The following ABLIM2 variants were observed in gnomAD, a reference collection of about 807,000 sequenced individuals.
ABLIM2 encodes the protein actin binding LIM protein family member 2, also known as actin-binding LIM protein 2.
ABLIM2 carries 53 observed loss-of-function variants against 97.7 expected under a neutral mutation model. The ratio of observed to expected loss-of-function variants is 0.54; its 90% CI spans 0.44 to 0.68. ABLIM2 has a LOEUF of 0.68. Among genes scored for constraint, ABLIM2 ranks in the 30% least tolerant of loss-of-function variants. The pLI is 0.00. For missense variants in ABLIM2, 835 were observed against 867.2 expected (o/e 0.96, Z 0.47); for synonymous variants, 361 against 345.8 (o/e 1.04, Z -0.49).
rs1744687434 is a variant in ABLIM2, at chr4:7,986,917, C to T, written c.1681-2024G>A. On this transcript the variant is annotated intron_variant, in intron 17 of 20. Coordinates refer to ENST00000447017, the MANE Select transcript of ABLIM2 (RefSeq NM_001130083.2). This position sits in a 1 kb window ranked among gnomAD's most constrained non-coding sequence, Gnocchi z 4.3. ...AACTCCTGACCTCAGGTGATCCACC[C>T]GCGTTGGCCTCCCAAAGTGCTGGGA... is the stretch of plus-strand genomic sequence containing the variant. Among the ~76,000 whole-genome samples, 1 of 152,164 alleles carries T rather than the reference C, an allele frequency of 6.6e-6. No homozygotes were observed. The highest frequency in any genetic ancestry group is 1.9e-4 in the East Asian group (1 of 5,184).
intron 1 of ABLIM2, among the ~76,000 whole-genome samples, 195 bp from the exon 2 acceptor site, chr4:8,106,832 G>T (rs1186638957): frequency 6.6e-6 from 1 of 152,234 alleles, no homozygotes; most frequent in African/African-American, 2.4e-5. Context: ...ATTATGCAGG[G>T]GTTAGGGGCC....
At chr4:8,009,691 T>C (rs1244129779) in intron 14 of ABLIM2, among the ~76,000 whole-genome samples, 1 of 152,112 alleles carries the variant, frequency 6.6e-6, no homozygotes, top group Non-Finnish European at 1.5e-5. Context: ...CCACCGCACC[T>C]GGCCCACTTG....
intron 7 of ABLIM2, among the ~76,000 whole-genome samples, chr4:8,060,028 TG>T (rs1173332020): frequency 1.3e-5 from 2 of 152,100 alleles, no homozygotes; most frequent in East Asian, 3.8e-4. Context: ...AAGGTGCACA[TG>T]TTAATAAGCT....
intron 4 of ABLIM2, among the ~76,000 whole-genome samples, chr4:8,086,989 A>G (rs1302795973): frequency 6.6e-6 from 1 of 152,160 alleles, no homozygotes; most frequent in Non-Finnish European, 1.5e-5. Context: ...GAGTCAAATT[A>G]TAACCAGCTC....
chr4:8,011,076 G>T (rs10023553), intron 14 of ABLIM2, among the ~76,000 whole-genome samples: 21,515 of 152,084 alleles, frequency 0.14, 1,620 homozygotes, highest in African/African-American at 0.19. Flanking sequence ...CAATTAAGTC[G>T]TCGCTCCAGC....
intron 17 of ABLIM2, among the ~76,000 whole-genome samples, chr4:7,991,990 G>T (rs987504397): frequency 6.6e-6 from 1 of 152,152 alleles, no homozygotes; most frequent in African/African-American, 2.4e-5. Flanking sequence ...TAGTGGCCTC[G>T]GTTGAGAGGT....
At chr4:8,116,960 C>G (rs1177132076) in intron 1 of ABLIM2, among the ~76,000 whole-genome samples, 1 of 152,170 alleles carries the variant, frequency 6.6e-6, no homozygotes, top group Non-Finnish European at 1.5e-5. Flanking sequence ...ACAAAAACTC[C>G]CTGGTATAGA....
chr4:8,079,223 C>G (rs1818195821), intron 5 of ABLIM2, among the ~76,000 whole-genome samples: 1 of 152,226 alleles, frequency 6.6e-6, no homozygotes, highest in African/African-American at 2.4e-5. Flanking sequence ...CCGCTGACCT[C>G]AGGACTCCCG....
chr4:8,001,926 GCTCT>G lies in ABLIM2; in HGVS notation c.1618+6129_1618+6132del, dbSNP rs1178582835. Among the ~76,000 whole-genome samples, 4 of 152,160 alleles carry G rather than the reference GCTCT, an allele frequency of 2.6e-5. No homozygotes were observed. Among genetic ancestry groups the G allele is most frequent in the Admixed American group, 6.5e-5 (1 of 15,282 alleles). On this transcript the variant is annotated intron_variant, in intron 16 of 20. Coordinates refer to ENST00000447017, the MANE Select transcript of ABLIM2 (RefSeq NM_001130083.2). The surrounding 1 kb of genome is among the most constrained non-coding windows in gnomAD (Gnocchi z 4.2). ...CGCTTGTCAGCACACACATGTGCGT[GCTCT>G]CTCTCTCTTTTTCTTGCTCTCTCTC...
In ABLIM2 at chr4:8,046,947, A is replaced by G. The variant is rs961809880; in HGVS notation, c.823-1706T>C. On this transcript the variant is annotated intron_variant, in intron 8 of 20. Coordinates refer to ENST00000447017, the MANE Select transcript of ABLIM2 (RefSeq NM_001130083.2). This position sits in a 1 kb window ranked among gnomAD's most constrained non-coding sequence, Gnocchi z 4.4. ...GTGATCTTGGCCTTTTGGGCTCCAGAGCTGTGGGAAGGTGGGTTTCTGCTG... is the reference window on the plus strand; with the variant it reads ...GTGATCTTGGCCTTTTGGGCTCCAGGGCTGTGGGAAGGTGGGTTTCTGCTG... Among the ~76,000 whole-genome samples the G allele has an allele frequency of 1.3e-5, 2 of 152,140 alleles. No individual in the cohort carries two copies. Among genetic ancestry groups the G allele is most frequent in the Admixed American group, 1.3e-4 (2 of 15,270 alleles).
In ABLIM2 at chr4:7,966,483, T is replaced by C. The variant is rs1388707523; in HGVS notation, c.*507A>G. ...CGCCTGCAAAAATCACACACCCCAC[T>C]CTTGGCACTGTCCCAGACGCTCACT... is the stretch of plus-strand genomic sequence containing the variant. On this transcript the variant is annotated 3_prime_UTR_variant, in exon 21 of 21. Coordinates refer to ENST00000447017, the MANE Select transcript of ABLIM2 (RefSeq NM_001130083.2). The C allele has an allele frequency of 1.3e-5, 2 of 155,420 alleles. No homozygotes were observed. Among genetic ancestry groups the C allele is most frequent in the Non-Finnish European group, 2.9e-5 (2 of 69,792 alleles). The allele number at this position is 155,420 out of a possible 1,614,324, so 9.6% of individuals were successfully genotyped here.
At position 8,064,809 on chromosome 4, in the gene ABLIM2, C is replaced by T. The variant is rs140838946; in HGVS notation, c.676-3755G>A. ...ACCAGACCTGTTCTCTTTCTTGACT[C>T]GGTACTGGTTCCATGGGTGTGTCCA... On this transcript the variant is annotated intron_variant, in intron 6 of 20. Coordinates refer to ENST00000447017, the MANE Select transcript of ABLIM2 (RefSeq NM_001130083.2). Among the ~76,000 whole-genome samples the T allele has an allele frequency of 3.8e-3, 586 of 152,270 alleles. 1 individual carries two copies. Among genetic ancestry groups the T allele is most frequent in the Non-Finnish European group, 6.6e-3 (451 of 68,030 alleles).
intron 17 of ABLIM2, among the ~76,000 whole-genome samples, chr4:7,989,209 G>T (rs1428326163): frequency 1.3e-5 from 2 of 151,148 alleles, no homozygotes; most frequent in East Asian, 3.9e-4. Flanking sequence ...TGCTCAAGTA[G>T]CTGGGATATT....
intron 20 of ABLIM2, among the ~76,000 whole-genome samples, chr4:7,980,941 A>ATTTTTTTTTTT (rs1167615555): frequency 4.8e-5 from 4 of 82,982 alleles, no homozygotes; most frequent in South Asian, 7.9e-4. Context: ...ACAACCCCTT[A>ATTTTTTTTTTT]TTTTTTTTTT....
intron 17 of ABLIM2, among the ~76,000 whole-genome samples, chr4:7,985,095 G>A (rs953329319): frequency 2.0e-5 from 3 of 152,172 alleles, no homozygotes; most frequent in African/African-American, 7.2e-5. Flanking sequence ...TGCTGTGCCC[G>A]TGGGACTGGC....
rs559210482 is a variant in ABLIM2 at position 8,130,426 on chromosome 4, C to T, written c.11-23789G>A. On this transcript the variant is annotated intron_variant, in intron 1 of 20. Transcript: ENST00000447017. This position sits in a 1 kb window ranked among gnomAD's most constrained non-coding sequence, Gnocchi z 4.2. The stretch of plus-strand genomic sequence containing the variant: ...CCTCAGGGTCCTCTTGGCTCAAGAC[C>T]AACAACTGCAGGGGCTATGGCAGGG... Among the ~76,000 whole-genome samples the T allele has an allele frequency of 3.7e-4, 56 of 152,218 alleles. No homozygotes were observed. Among genetic ancestry groups the T allele is most frequent in the Non-Finnish European group, 6.2e-4 (42 of 68,046 alleles).
At chr4:8,008,274 T>C (rs1262359960) in intron 15 of ABLIM2, 74 bp from the exon 16 acceptor site, 23 of 1,431,174 alleles carry the variant, frequency 1.6e-5, no homozygotes, top group African/African-American at 2.8e-5. Context: ...TGGACCCTTC[T>C]TGTAGCTTCC....
chr4:8,021,907 G>A lies in ABLIM2; in HGVS notation c.1268-1604C>T, dbSNP rs1034994343. 3.9e-5 allele frequency among the ~76,000 whole-genome samples: 6 copies of A among 152,214 alleles called. No individual in the cohort carries two copies. The highest frequency in any genetic ancestry group is 7.4e-5 in the Non-Finnish European group (5 of 68,026). ...CAGCATGGAACCTTCTAGAGCCTCA[G>A]TTGGCTCTACAGGTGCCCTTGCTGG... On this transcript the variant is annotated intron_variant, in intron 12 of 20. Transcript: ENST00000447017. This position sits in a 1 kb window ranked among gnomAD's most constrained non-coding sequence, Gnocchi z 5.5.
At chr4:8,057,327 C>G (rs1799943134) in intron 7 of ABLIM2, among the ~76,000 whole-genome samples, 1 of 152,152 alleles carries the variant, frequency 6.6e-6, no homozygotes, top group South Asian at 2.1e-4. Context: ...TTCGGGTGAT[C>G]CATCCACCTC....
Sources: allele counts gnomAD v4.1 joint callset (sites outside exome capture counted in the v4.1 genomes callset), GRCh38; gene constraint gnomAD v4.1.1; non-coding constraint Gnocchi (gnomAD v3.1); transcripts MANE v1.5; gene names NCBI Gene and HGNC (gene_info 2026-07-23, HGNC 2026-07-21).